Variants in IGSF10 observed in about 807,000 individuals in gnomAD.
IGSF10 encodes the protein immunoglobulin superfamily member 10.
A neutral mutation model predicts 128.2 loss-of-function variants in IGSF10; 126 were observed. The ratio of observed to expected loss-of-function variants is 0.98; its 90% CI spans 0.85 to 1.14. IGSF10 has a LOEUF of 1.14. Among genes scored for constraint, IGSF10 ranks in the 50% most tolerant of loss-of-function variants. The probability of loss-of-function intolerance (pLI) is 0.00; values close to 1 mark genes in which losing one functional copy is unlikely to be tolerated. For missense variants in IGSF10, 3,295 were observed against 3,149.8 expected, an observed-to-expected ratio of 1.05 and a Z score of -1.10; for synonymous variants, 1,185 against 1,146.2, an observed-to-expected ratio of 1.03 and a Z score of -0.68.
the IGSF10 span, among the ~76,000 whole-genome samples, chr3:151,480,132 CTCT>C: frequency 6.6e-6 from 1 of 152,134 alleles, no homozygotes; most frequent in Non-Finnish European, 1.5e-5. Flanking sequence ...GCTCCTAGAG[CTCT>C]TCTTCCCCAC....
upstream of IGSF10, chr3:151,461,088 G>C: frequency 1.0e-6 from 1 of 985,420 alleles, no homozygotes. Flanking sequence ...CGGGGGATGA[G>C]CCCGACTTCT....
chr3:151,594,272 GA>G, the IGSF10 span, among the ~76,000 whole-genome samples: 2 of 149,340 alleles, frequency 1.3e-5, no homozygotes, highest in African/African-American at 2.5e-5. Context: ...TAGCAGCAGA[GA>G]TTTTTTTTTT....
the IGSF10 span, among the ~76,000 whole-genome samples, chr3:151,523,907 A>G: frequency 6.6e-6 from 1 of 152,218 alleles, no homozygotes; most frequent in African/African-American, 2.4e-5. Flanking sequence ...TAAACCTTGT[A>G]TCTGACAAAG....
the IGSF10 span, among the ~76,000 whole-genome samples, chr3:151,611,796 C>A: frequency 2.0e-5 from 3 of 152,160 alleles, no homozygotes; most frequent in African/African-American, 7.2e-5. Context: ...TTTAACCTGA[C>A]TTCTTTCCTT....
the IGSF10 span, among the ~76,000 whole-genome samples, chr3:151,479,354 T>C: frequency 6.6e-6 from 1 of 152,054 alleles, no homozygotes; most frequent in Non-Finnish European, 1.5e-5. Context: ...AGCAAACTTT[T>C]AAACGTCTTT....
chr3:151,438,470 C>T lies in IGSF10; in HGVS notation c.6091G>A (p.Val2031Ile), dbSNP rs757717712. The T allele has an allele frequency of 6.2e-6, 10 of 1,614,184 alleles. No homozygotes were observed. Among genetic ancestry groups the T allele is most frequent in the South Asian group, 4.4e-5 (4 of 91,082 alleles). ...KMGDDLILMHVSLRLKPAKID... is the reference protein window; with the variant it reads ...KMGDDLILMHISLRLKPAKID... ...TTGGCAGGTTTCAGTCTTAGGCTAACATGCATCAGTATCAGATCATCCCCC... is the reference window on the plus strand; with the variant it reads ...TTGGCAGGTTTCAGTCTTAGGCTAATATGCATCAGTATCAGATCATCCCCC... The change falls in exon 8 of 8, where the codon GTT (valine) becomes ATT (isoleucine). Residue 2031 changes from valine (V) to isoleucine (I), a missense_variant. Val to Ile is a conservative substitution (Grantham distance 29). Transcript: ENST00000282466.
chr3:151,528,258 T>C, the IGSF10 span, among the ~76,000 whole-genome samples: 46 of 152,340 alleles, frequency 3.0e-4, no homozygotes, highest in African/African-American at 1.0e-3. Flanking sequence ...TTCATTCTTT[T>C]TGTTGTCATT....
chr3:151,599,487 G>A, the IGSF10 span, among the ~76,000 whole-genome samples: 1 of 152,178 alleles, frequency 6.6e-6, no homozygotes, highest in African/African-American at 2.4e-5. Flanking sequence ...GAGGCAAGAA[G>A]GTGGGGAGGA....
At chr3:151,614,259 G>C in the IGSF10 span, among the ~76,000 whole-genome samples, 1 of 152,188 alleles carries the variant, frequency 6.6e-6, no homozygotes, top group Non-Finnish European at 1.5e-5. Flanking sequence ...GGAAGTCAGT[G>C]TGGCGATTCC....
chr3:151,615,296 C>T, the IGSF10 span, among the ~76,000 whole-genome samples: 2 of 151,958 alleles, frequency 1.3e-5, no homozygotes, highest in African/African-American at 4.8e-5. Flanking sequence ...CCTTTAATGT[C>T]TATATCACTA....
the IGSF10 span, among the ~76,000 whole-genome samples, chr3:151,578,780 ATCT>A: frequency 2.0e-5 from 3 of 152,228 alleles, no homozygotes; most frequent in African/African-American, 7.2e-5. Context: ...AGAAAAAAAG[ATCT>A]TCTATCTTTG....
chr3:151,567,288 A>C, the IGSF10 span, among the ~76,000 whole-genome samples: 4 of 152,280 alleles, frequency 2.6e-5, no homozygotes, highest in Admixed American at 1.3e-4. Flanking sequence ...TGGCCTTATA[A>C]TAAATATTCA....
the IGSF10 span, among the ~76,000 whole-genome samples, chr3:151,490,598 A>G: frequency 1.3e-5 from 2 of 152,090 alleles, no homozygotes; most frequent in South Asian, 4.1e-4. Flanking sequence ...TTCATAAAAC[A>G]TTCTCCATGA....
chr3:151,532,997 CA>C, the IGSF10 span, among the ~76,000 whole-genome samples: 1 of 152,092 alleles, frequency 6.6e-6, no homozygotes, highest in South Asian at 2.1e-4. Flanking sequence ...GTGCAAAAAT[CA>C]TAAGCATTCC....
the IGSF10 span, among the ~76,000 whole-genome samples, chr3:151,613,173 G>T: frequency 3.9e-5 from 6 of 151,944 alleles, no homozygotes; most frequent in Non-Finnish European, 5.9e-5. Context: ...ATAAACCACT[G>T]CTCAATGAAC....
At chr3:151,479,143 G>A in the IGSF10 span, among the ~76,000 whole-genome samples, 4 of 152,134 alleles carry the variant, frequency 2.6e-5, no homozygotes, top group Non-Finnish European at 2.9e-5. Flanking sequence ...GGAGTTGAAA[G>A]AGCTAAAGTT....
chr3:151,618,798 TA>T, the IGSF10 span, among the ~76,000 whole-genome samples: 2 of 146,706 alleles, frequency 1.4e-5, no homozygotes, highest in East Asian at 1.9e-4. Flanking sequence ...ATAAAATAAA[TA>T]AAAAATAAAA....
In IGSF10 at chr3:151,446,127, G is replaced by C; in HGVS notation, c.3854C>G (p.Thr1285Arg). 1.2e-6 allele frequency: 2 copies of C among 1,614,174 alleles called. No individual in the cohort carries two copies. Among genetic ancestry groups the C allele is most frequent in the Non-Finnish European group, 1.7e-6 (2 of 1,180,020 alleles). Residue 1285 changes from threonine (T) to arginine (R), a missense_variant, in exon 6 of 8, where the codon ACA (threonine) becomes AGA (arginine). Coordinates refer to ENST00000282466, the MANE Select transcript of IGSF10 (RefSeq NM_178822.5). ...TKTHNPGSLP[T>R]KKELPFPPLN... ...GGGTGGGAAGGGAAGCTCCTTCTTT[G>C]TTGGAAGACTTCCAGGATTGTGTGT...
chr3:151,446,403 A>G lies in IGSF10; in HGVS notation c.3578T>C (p.Ile1193Thr), dbSNP rs564835351. The change falls in exon 6 of 8, where the codon ATA becomes ACA. Residue 1193 changes from isoleucine (I) to threonine (T), a missense_variant. Transcript: ENST00000282466. The stretch of plus-strand genomic sequence containing the variant: ...CCTTCTTGAAAACCTTGTAATGGCT[A>G]TAATAGTCATTGGTGGCTTGGTGAT... ...GAITKPPMTI[I>T]AITRFSRRKI... 49 of 1,614,076 alleles carry G rather than the reference A, an allele frequency of 3.0e-5. No homozygotes were observed. Among genetic ancestry groups the G allele is most frequent in the African/African-American group, 2.3e-4 (17 of 75,058 alleles).
Sources: gnomAD v4.1 joint callset for allele counts (sites outside exome capture counted in the v4.1 genomes callset) on GRCh38, gnomAD v4.1.1 for gene constraint, MANE v1.5 for transcripts, NCBI Gene and HGNC (gene_info 2026-07-23, HGNC 2026-07-21) for gene names.